CCDC141: variants seen among roughly 807,000 people sequenced by gnomAD.
The protein encoded by CCDC141 is coiled-coil domain containing 141, also known as coiled-coil domain-containing protein 141.
A neutral mutation model predicts 181.0 loss-of-function variants in CCDC141; 168 were observed. The observed-to-expected ratio is 0.93, with a 90% CI of 0.82 to 1.05. The LOEUF (loss-of-function observed/expected upper bound fraction) is 1.05, where lower values mean the gene tolerates loss of function less well. Ranked by LOEUF, CCDC141 falls within the 50% of genes least tolerant of loss-of-function variation. The pLI is 0.00. For missense variants in CCDC141, 1,902 were observed against 1,788.5 expected (o/e 1.06, Z -1.14); for synonymous variants, 666 against 642.3 (o/e 1.04, Z -0.56).
At chr2:178,864,956 T>C (rs1253661267) in intron 17 of CCDC141, among the ~76,000 whole-genome samples, 2 of 152,234 alleles carry the variant, frequency 1.3e-5, no homozygotes, top group African/African-American at 2.4e-5. Context: ...CCTTGTGTTC[T>C]GCTATCACTT....
intron 2 of CCDC141, among the ~76,000 whole-genome samples, chr2:179,015,067 G>GAGATATAT (rs1452838868): frequency 1.0e-4 from 4 of 39,602 alleles, no homozygotes; most frequent in South Asian, 8.3e-4. Context: ...GAGAGACAGA[G>GAGATATAT]ATATATATAT....
At chr2:178,878,252 A>G (rs1024853740) in intron 11 of CCDC141, 109 bp from the exon 12 acceptor site, 2 of 454,204 alleles carry the variant, frequency 4.4e-6, no homozygotes, top group Non-Finnish European at 7.4e-6. Context: ...CATTTTCTGA[A>G]TTTTTAATTT....
At chr2:178,852,841 G>A (rs1198906860) in intron 20 of CCDC141, among the ~76,000 whole-genome samples, 2 of 152,212 alleles carry the variant, frequency 1.3e-5, no homozygotes, top group Admixed American at 6.5e-5. Flanking sequence ...CTTTTAGGAG[G>A]AAGGATCTCT....
Position 178,837,468 on chromosome 2 carries a change from C to A in CCDC141, c.3751G>T (p.Val1251Leu), listed in dbSNP as rs888332352. ...SLSLHISSYG[V>L]QAGTSSPGDA... ...CCTGGGCTGCTGGTCCCAGCCTGCA[C>A]CCCATAGCTGCTTATGTGAAGGCTG... The change falls in exon 23 of 24, where the codon GTG becomes TTG. Residue 1251 changes from valine (V) to leucine (L), a missense_variant. Physicochemically the swap from Val to Leu is conservative, Grantham distance 32 (BLOSUM62 1). Coordinates refer to ENST00000443758, the MANE Select transcript of CCDC141 (RefSeq NM_173648.4). The A allele has an allele frequency of 1.5e-5, 25 of 1,613,970 alleles. No individual in the cohort carries two copies. The Middle Eastern group carries it at 4.9e-4, about 32-fold the overall frequency.
At chr2:178,952,184 A>C (rs1319995167) in intron 5 of CCDC141, among the ~76,000 whole-genome samples, 1 of 152,220 alleles carries the variant, frequency 6.6e-6, no homozygotes, top group Non-Finnish European at 1.5e-5. Flanking sequence ...AACATTTTAG[A>C]AAGTTAAGAC....
At chr2:179,004,201 A>G (rs2042061054) in intron 2 of CCDC141, among the ~76,000 whole-genome samples, 1 of 152,180 alleles carries the variant, frequency 6.6e-6, no homozygotes, top group Non-Finnish European at 1.5e-5. Context: ...TTTGGGCTGA[A>G]GACTGCATTA....
At chr2:178,839,580 CCAAAAAAA>C (rs1684635001) in intron 22 of CCDC141, among the ~76,000 whole-genome samples, 1 of 9,670 alleles carries the variant, frequency 1.0e-4, no homozygotes, top group African/African-American at 4.9e-4. Context: ...AACTTCGTCT[CCAAAAAAA>C]AAAAAAAAAA....
intron 19 of CCDC141, among the ~76,000 whole-genome samples, chr2:178,853,986 C>T (rs1685276877): frequency 6.6e-6 from 1 of 152,096 alleles, no homozygotes; most frequent in Non-Finnish European, 1.5e-5. Context: ...TAAAAAGAAT[C>T]CAAATACATG....
At chr2:178,894,869 C>T (rs992701354) in intron 8 of CCDC141, among the ~76,000 whole-genome samples, 1 of 152,140 alleles carries the variant, frequency 6.6e-6, no homozygotes, top group African/African-American at 2.4e-5. Flanking sequence ...GAAATTTTCT[C>T]ATAATTTGCG....
intron 2 of CCDC141, among the ~76,000 whole-genome samples, chr2:178,999,549 C>T (rs773266195): frequency 3.3e-5 from 5 of 152,122 alleles, no homozygotes. Context: ...TCTTTCCATG[C>T]TGCCAATTGA....
At chr2:178,985,778 A>C (rs1030643550) in intron 2 of CCDC141, among the ~76,000 whole-genome samples, 1 of 152,202 alleles carries the variant, frequency 6.6e-6, no homozygotes, top group Non-Finnish European at 1.5e-5. Flanking sequence ...AAGAAGTTGA[A>C]TCTCTGAATA....
intron 5 of CCDC141, among the ~76,000 whole-genome samples, chr2:178,945,875 AC>A (rs1421826166): frequency 7.9e-5 from 12 of 151,758 alleles, no homozygotes; most frequent in Non-Finnish European, 1.8e-4. Context: ...ACACACACAC[AC>A]ATCAGAGTTA....
At chr2:179,006,575 C>T (rs2042128875) in intron 2 of CCDC141, among the ~76,000 whole-genome samples, 1 of 152,134 alleles carries the variant, frequency 6.6e-6, no homozygotes, top group Admixed American at 6.5e-5. Flanking sequence ...TTACCATTTG[C>T]AAGGCACAAG....
At chr2:178,901,189 T>A (rs975967041) in intron 8 of CCDC141, among the ~76,000 whole-genome samples, 1 of 152,130 alleles carries the variant, frequency 6.6e-6, no homozygotes, top group African/African-American at 2.4e-5. Context: ...AAGGAGGAGC[T>A]GGTACAATTC....
At chr2:178,983,992 CA>C (rs1691579267) in intron 2 of CCDC141, among the ~76,000 whole-genome samples, 1 of 151,318 alleles carries the variant, frequency 6.6e-6, no homozygotes, top group African/African-American at 2.4e-5. Context: ...TCGAGAAGAG[CA>C]ACTCCAAAAC....
intron 14 of CCDC141, among the ~76,000 whole-genome samples, chr2:178,870,311 T>C (rs1277999502): frequency 6.8e-6 from 1 of 147,816 alleles, no homozygotes; most frequent in African/African-American, 2.5e-5. Flanking sequence ...ATCTTTTGTA[T>C]GAAAGGTAAA....
rs532073362 is a variant in CCDC141 at position 178,850,815 on chromosome 2, T to C, written c.3245-654A>G. On this transcript the variant is annotated intron_variant, in intron 20 of 23. Coordinates refer to ENST00000443758, the MANE Select transcript of CCDC141 (RefSeq NM_173648.4). Reference sequence around the variant, plus strand: ...CTACCATGTAGCACATGCTTATTATTTGCCTGTGCCTAAGCACTGTATAAC... The same window carrying C: ...CTACCATGTAGCACATGCTTATTATCTGCCTGTGCCTAAGCACTGTATAAC... 1.9e-3 allele frequency among the ~76,000 whole-genome samples: 289 copies of C among 152,364 alleles called. 6 individuals are homozygous for C. In the South Asian group the frequency reaches 0.021, roughly 11 times the overall value.
downstream of CCDC141, among the ~76,000 whole-genome samples, chr2:178,828,571 G>A (rs1684158876): frequency 6.6e-6 from 1 of 152,164 alleles, no homozygotes; most frequent in South Asian, 2.1e-4. Flanking sequence ...ATCAAAGGCT[G>A]ACCCTGCAGG....
chr2:178,854,353 T>C (rs12990752), intron 19 of CCDC141, among the ~76,000 whole-genome samples: 49,057 of 151,618 alleles, frequency 0.32, 8,454 homozygotes, highest in African/African-American at 0.43. Flanking sequence ...TGAAACCCCA[T>C]CTCTACTAAA....
Sources: allele counts gnomAD v4.1 joint callset (sites outside exome capture counted in the v4.1 genomes callset), GRCh38; gene constraint gnomAD v4.1.1; transcripts MANE v1.5; gene names NCBI Gene and HGNC (gene_info 2026-07-23, HGNC 2026-07-21).